Variants in GRIK2 observed in about 807,000 individuals in gnomAD.
GRIK2 encodes the protein glutamate receptor ionotropic, kainate 2.
In GRIK2, 32 loss-of-function variants were observed where a neutral mutation model predicts 100.3. The observed-to-expected ratio is 0.32, with a 90% CI of 0.24 to 0.43. GRIK2 has a LOEUF of 0.43. Ranked by LOEUF, GRIK2 falls within the 20% of genes least tolerant of loss-of-function variation. GRIK2 has a pLI of 1.00. For missense variants in GRIK2, 843 were observed against 1,114.9 expected (o/e 0.76, Z 3.47); for synonymous variants, 417 against 389.4 (o/e 1.07, Z -0.83).
rs1227433615 is a variant in GRIK2, at chr6:101,522,716, T to C, written c.116-99233T>C. ...GATCTCTGTTCTGCCCTCAGCCTTC[T>C]CCAGATGCTCTCATAACCACGTGTT... On this transcript the variant is annotated intron_variant, in intron 2 of 16. Coordinates refer to ENST00000369134, the MANE Select transcript of GRIK2 (RefSeq NM_021956.5). 2.0e-5 allele frequency among the ~76,000 whole-genome samples: 3 copies of C among 152,208 alleles called. No homozygotes were observed. In the East Asian group the frequency reaches 5.8e-4, roughly 29 times the overall value.
At chr6:101,787,922 T>C (rs962355375) in intron 7 of GRIK2, among the ~76,000 whole-genome samples, 2 of 152,106 alleles carry the variant, frequency 1.3e-5, no homozygotes, top group Non-Finnish European at 2.9e-5. Flanking sequence ...TTCTGTATTG[T>C]AGTCTGTCTG....
At chr6:101,688,879 T>A (rs768371982) in intron 7 of GRIK2, among the ~76,000 whole-genome samples, 4 of 151,930 alleles carry the variant, frequency 2.6e-5, no homozygotes, top group Admixed American at 1.3e-4. Context: ...ATTAATATAT[T>A]TTAAAATCCT....
intron 5 of GRIK2, among the ~76,000 whole-genome samples, chr6:101,679,369 T>C (rs1771076778): frequency 6.6e-6 from 1 of 152,182 alleles, no homozygotes; most frequent in African/African-American, 2.4e-5. Context: ...TCATATAGCA[T>C]AGCACTACAC....
chr6:101,856,595 G>A (rs1784437325), intron 10 of GRIK2, among the ~76,000 whole-genome samples: 2 of 152,116 alleles, frequency 1.3e-5, no homozygotes, highest in East Asian at 1.9e-4. Context: ...TTTAACTGAG[G>A]AATTATAATA....
In GRIK2 at chr6:101,491,887, T is replaced by A. The variant is rs564816038; in HGVS notation, c.115+92495T>A. ...AGTTTGCATATATATATATGTGTGT[T>A]TGAATGTATATATGTGTGTATACAT... On this transcript the variant is annotated intron_variant, in intron 2 of 16. Transcript: ENST00000369134. Among the ~76,000 whole-genome samples, 435 of 151,416 alleles carry A rather than the reference T, an allele frequency of 2.9e-3. 3 individuals are homozygous for A. The highest frequency in any genetic ancestry group is 0.01 in the African/African-American group (424 of 41,456).
At chr6:101,818,791 C>T (rs141969553) in intron 10 of GRIK2, among the ~76,000 whole-genome samples, 64 of 152,224 alleles carry the variant, frequency 4.2e-4, no homozygotes, top group Admixed American at 1.7e-3. Flanking sequence ...TTGAAAAATA[C>T]GTGCAGCTCT....
intron 2 of GRIK2, among the ~76,000 whole-genome samples, chr6:101,489,416 T>C (rs1230470993): frequency 6.9e-6 from 1 of 145,964 alleles, no homozygotes; most frequent in Non-Finnish European, 1.5e-5. Flanking sequence ...AGAGCACCCA[T>C]ATAGGCACTT....
At chr6:101,696,407 C>T (rs1045125740) in intron 7 of GRIK2, among the ~76,000 whole-genome samples, 2 of 151,568 alleles carry the variant, frequency 1.3e-5, no homozygotes, top group African/African-American at 4.8e-5. Flanking sequence ...CTCTGGATCC[C>T]ACCAGTGTAG....
chr6:101,886,820 C>CTTTTTTTT (rs3054431), intron 11 of GRIK2, among the ~76,000 whole-genome samples: 1 of 73,310 alleles, frequency 1.4e-5, no homozygotes, highest in African/African-American at 5.3e-5. Flanking sequence ...TTCTTTCTAC[C>CTTTTTTTT]TTTTTTTTTT....
intron 7 of GRIK2, among the ~76,000 whole-genome samples, chr6:101,784,926 A>G (rs1422325130): frequency 2.0e-5 from 3 of 152,196 alleles, no homozygotes; most frequent in Admixed American, 1.3e-4. Flanking sequence ...GCAGCAGTGT[A>G]TAAGAGTTCC....
At chr6:101,908,690 T>G (rs915232507) in intron 12 of GRIK2, among the ~76,000 whole-genome samples, 1 of 151,314 alleles carries the variant, frequency 6.6e-6, no homozygotes, top group African/African-American at 2.4e-5. Flanking sequence ...TTAATAAATT[T>G]GCAAAGTGTA....
chr6:102,001,577 G>A (rs1418808648), intron 14 of GRIK2, among the ~76,000 whole-genome samples: 1 of 151,922 alleles, frequency 6.6e-6, no homozygotes, highest in Non-Finnish European at 1.5e-5. Context: ...TGGTTTATAT[G>A]TGCCACATTT....
intron 15 of GRIK2, among the ~76,000 whole-genome samples, chr6:102,048,957 T>G (rs2114482681): frequency 6.6e-6 from 1 of 152,202 alleles, no homozygotes; most frequent in Non-Finnish European, 1.5e-5. Context: ...CTTTAGACTT[T>G]TAACAAAATG....
intron 14 of GRIK2, among the ~76,000 whole-genome samples, chr6:101,929,358 A>G (rs1166034249): frequency 6.6e-6 from 1 of 152,158 alleles, no homozygotes; most frequent in Non-Finnish European, 1.5e-5. Flanking sequence ...TTCCTTTTGT[A>G]TCTTACCAAG....
At chr6:101,541,088 T>G (rs1251210060) in intron 2 of GRIK2, among the ~76,000 whole-genome samples, 1 of 151,966 alleles carries the variant, frequency 6.6e-6, no homozygotes, top group East Asian at 1.9e-4. Flanking sequence ...TATTTGTAGA[T>G]GTCTCAGTTT....
chr6:101,799,164 T>A (rs1780509423), intron 7 of GRIK2, among the ~76,000 whole-genome samples: 1 of 152,164 alleles, frequency 6.6e-6, no homozygotes, highest in Admixed American at 6.6e-5. Context: ...TTTAAGGTTT[T>A]AAGTAAGTCT....
At chr6:102,064,711 A>G (rs1771931376) in intron 16 of GRIK2, among the ~76,000 whole-genome samples, 1 of 151,232 alleles carries the variant, frequency 6.6e-6, no homozygotes, top group Non-Finnish European at 1.5e-5. Context: ...GGAAACAATT[A>G]TATTTCACAA....
At chr6:101,537,103 C>T (rs955045540) in intron 2 of GRIK2, among the ~76,000 whole-genome samples, 7 of 151,502 alleles carry the variant, frequency 4.6e-5, no homozygotes, top group Admixed American at 6.6e-5. Flanking sequence ...CCAAACAGGC[C>T]GGAGAAGTTA....
At chr6:101,407,991 G>C (rs901543485) in intron 2 of GRIK2, among the ~76,000 whole-genome samples, 3 of 152,028 alleles carry the variant, frequency 2.0e-5, no homozygotes, top group African/African-American at 7.2e-5. Context: ...AAGGAATTTA[G>C]GCATAAATTA....
Sources: allele counts gnomAD v4.1 joint callset (sites outside exome capture counted in the v4.1 genomes callset), GRCh38; gene constraint gnomAD v4.1.1; transcripts MANE v1.5; gene names NCBI Gene and HGNC (gene_info 2026-07-23, HGNC 2026-07-21).